ADAMTS20: variants seen among roughly 807,000 people sequenced by gnomAD.
ADAMTS20 encodes ADAM metallopeptidase with thrombospondin type 1 motif 20.
In ADAMTS20, 225 loss-of-function variants were observed where a neutral mutation model predicts 260.1. That is an observed-to-expected ratio of 0.87 (90% confidence interval 0.78 to 0.97). The LOEUF is 0.97. Among genes scored for constraint, ADAMTS20 ranks in the 50% least tolerant of loss-of-function variants. The pLI, the probability that ADAMTS20 is intolerant of heterozygous loss-of-function variation, is 0.00. For synonymous variants in ADAMTS20, 802 were observed against 769.5 expected (o/e 1.04, Z -0.70); for missense variants, 2,400 against 2,337.7 (o/e 1.03, Z -0.55).
intron 7 of ADAMTS20, among the ~76,000 whole-genome samples, chr12:43,479,570 A>G (rs1031252745): frequency 6.6e-6 from 1 of 152,136 alleles, no homozygotes; most frequent in African/African-American, 2.4e-5. Flanking sequence ...ATGCATTTTT[A>G]TGTAATTCAT....
rs529566253 is a variant in ADAMTS20 at position 43,376,746 on chromosome 12, A to C, written c.4996-93T>G. 164 of 1,439,996 alleles carry C rather than the reference A, an allele frequency of 1.1e-4. No homozygotes were observed. In the African/African-American group the frequency reaches 2.2e-3, roughly 19 times the overall value. The allele number at this position is 1,439,996 out of a possible 1,614,324, so 89.2% of individuals were successfully genotyped here. ...CTTTTCTTAGACCAGGTATTTCTGG[A>C]GCACACTGAGGGTCAGTAGTGGCTA... On this transcript the variant is annotated intron_variant, in intron 32 of 38. Transcript: ENST00000389420.
At chr12:43,500,211 T>C (rs973979806) in intron 4 of ADAMTS20, among the ~76,000 whole-genome samples, 12 of 152,116 alleles carry the variant, frequency 7.9e-5, no homozygotes, top group African/African-American at 4.8e-5. Flanking sequence ...GTATTTTTAG[T>C]AGAGACATGG....
chr12:43,389,313 G>T (rs767896992), intron 29 of ADAMTS20, among the ~76,000 whole-genome samples: 1 of 152,128 alleles, frequency 6.6e-6, no homozygotes, highest in Non-Finnish European at 1.5e-5. Context: ...ACAACACAAT[G>T]GTGGTACAGG....
At chr12:43,446,819 AC>A in intron 14 of ADAMTS20, 107 bp from the exon 15 acceptor site, 1 of 867,826 alleles carries the variant, frequency 1.2e-6, no homozygotes, top group Non-Finnish European at 1.8e-6. Flanking sequence ...TTTACCACTG[AC>A]CCCACAGAAA....
At chr12:43,489,571 AAAG>A (rs1478544175) in intron 7 of ADAMTS20, among the ~76,000 whole-genome samples, 3 of 152,012 alleles carry the variant, frequency 2.0e-5, no homozygotes, top group Admixed American at 6.5e-5. Context: ...AGACTAAAAA[AAAG>A]AAATCTGAAG....
chr12:43,494,659 C>T (rs1053962145), intron 4 of ADAMTS20, among the ~76,000 whole-genome samples: 2 of 152,086 alleles, frequency 1.3e-5, no homozygotes, highest in Non-Finnish European at 2.9e-5. Context: ...GGATGGTCAG[C>T]TGATTGGTGA....
intron 3 of ADAMTS20, among the ~76,000 whole-genome samples, chr12:43,504,410 G>A (rs2137452022): frequency 6.6e-6 from 1 of 152,014 alleles, no homozygotes; most frequent in East Asian, 1.9e-4. Flanking sequence ...AAAACATCTA[G>A]CTTTTAATAT....
At chr12:43,470,515 G>T (rs574536872) in intron 7 of ADAMTS20, among the ~76,000 whole-genome samples, 41 of 152,138 alleles carry the variant, frequency 2.7e-4, no homozygotes, top group Non-Finnish European at 4.6e-4. Flanking sequence ...GAAACATGCC[G>T]CTGGTTGATG....
chr12:43,393,306 T>C (rs1253137173), intron 29 of ADAMTS20, among the ~76,000 whole-genome samples: 2 of 152,090 alleles, frequency 1.3e-5, no homozygotes, highest in East Asian at 3.8e-4. Context: ...AAAGGCATTG[T>C]GAAGCTGTAA....
rs1246985202 is a variant in ADAMTS20, at chr12:43,381,626, A to AAAT, written c.4797+1931_4797+1932insATT. 2.7e-5 allele frequency among the ~76,000 whole-genome samples: 4 copies of AAAT among 150,784 alleles called. 1 individual carries two copies. Among genetic ancestry groups the AAAT allele is most frequent in the African/African-American group, 9.7e-5 (4 of 41,028 alleles). ...GGGAGACCCCATCTCTACAAAAAAA[A>AAAT]AAAAAAAAGCTAGAGATGGTGGCAC... On this transcript the variant is annotated intron_variant, in intron 31 of 38. Transcript: ENST00000389420.
intron 14 of ADAMTS20, 44 bp downstream of exon 14, chr12:43,452,230 C>T (rs1941876698): frequency 2.0e-6 from 3 of 1,537,580 alleles, no homozygotes; most frequent in African/African-American, 2.8e-5. Context: ...AAACATTATT[C>T]TTAAAGTCAC....
intron 7 of ADAMTS20, among the ~76,000 whole-genome samples, chr12:43,482,633 A>T (rs1026452514): frequency 6.6e-6 from 1 of 152,160 alleles, no homozygotes; most frequent in East Asian, 1.9e-4. Flanking sequence ...CTACATGTGG[A>T]GAGCCAGAGC....
At chr12:43,536,423 A>G (rs1170676613) in intron 2 of ADAMTS20, among the ~76,000 whole-genome samples, 1 of 152,218 alleles carries the variant, frequency 6.6e-6, no homozygotes, top group Non-Finnish European at 1.5e-5. Flanking sequence ...ATGTGACAAA[A>G]TCCCTGCCTT....
At chr12:43,381,612 T>C (rs1592037910) in intron 31 of ADAMTS20, among the ~76,000 whole-genome samples, 2 of 103,056 alleles carry the variant, frequency 1.9e-5, no homozygotes, top group African/African-American at 7.5e-5. Context: ...GGAGACCCCA[T>C]CTCTACAAAA....
chr12:43,474,325 G>C (rs1472982741), intron 7 of ADAMTS20, among the ~76,000 whole-genome samples: 4 of 147,142 alleles, frequency 2.7e-5, no homozygotes, highest in Non-Finnish European at 6.0e-5. Context: ...AATAACAGGA[G>C]CTGAAATTGT....
chr12:43,402,023 T>G (rs985373344), intron 28 of ADAMTS20, among the ~76,000 whole-genome samples: 1 of 151,970 alleles, frequency 6.6e-6, no homozygotes, highest in African/African-American at 2.4e-5. Context: ...TTCAATCCCA[T>G]GTCTAGGGTA....
chr12:43,524,856 T>G (rs1312618614), intron 3 of ADAMTS20, among the ~76,000 whole-genome samples: 5 of 152,182 alleles, frequency 3.3e-5, no homozygotes, highest in Admixed American at 6.5e-5. Context: ...TCTAAGATTA[T>G]GTAAAACAAT....
intron 15 of ADAMTS20, among the ~76,000 whole-genome samples, chr12:43,445,677 T>TACAC (rs56762980): frequency 0.23 from 34,315 of 148,592 alleles, 3,998 homozygotes; most frequent in South Asian, 0.39. Flanking sequence ...GACCCATCTC[T>TACAC]ACACACACAC....
chr12:43,477,627 A>ACT (rs1005844655), intron 7 of ADAMTS20, among the ~76,000 whole-genome samples: 4 of 151,842 alleles, frequency 2.6e-5, no homozygotes, highest in African/African-American at 9.7e-5. Flanking sequence ...ACACATATGC[A>ACT]CTCTCTCTCT....
Sources: allele counts gnomAD v4.1 joint callset (sites outside exome capture counted in the v4.1 genomes callset), GRCh38; gene constraint gnomAD v4.1.1; transcripts MANE v1.5; gene names NCBI Gene and HGNC (gene_info 2026-07-23, HGNC 2026-07-21).